The following PAK3 variants were observed in gnomAD, a reference collection of about 807,000 sequenced individuals.
PAK3 encodes the protein serine/threonine-protein kinase PAK 3.
PAK3 carries 4 observed loss-of-function variants against 41.0 expected under a neutral mutation model. The observed-to-expected ratio is 0.10, with a 90% CI of 0.05 to 0.22. PAK3 has a LOEUF of 0.22. PAK3 is among the 10% of genes least tolerant of loss of function. The pLI is 1.00. For missense variants in PAK3, 205 were observed against 409.9 expected (o/e 0.50, Z 4.32); for synonymous variants, 146 against 139.6 (o/e 1.05, Z -0.32).
At chrX:111,066,462 A>G (rs1478868277) in intron 1 of PAK3, among the ~76,000 whole-genome samples, 1 of 112,126 alleles carries the variant, frequency 8.9e-6, no homozygotes, top group African/African-American at 3.2e-5. Flanking sequence ...TTAAAAATTT[A>G]TTGACACTTG....
chrX:110,976,893 G>A (rs2091345277), intron 1 of PAK3, among the ~76,000 whole-genome samples: 1 of 107,978 alleles, frequency 9.3e-6, no homozygotes, highest in South Asian at 4.3e-4. Flanking sequence ...TCACTCATAG[G>A]TGGGAATTGA....
At position 111,133,914 on chromosome X, in the gene PAK3, G is replaced by A. The variant is rs187968834; in HGVS notation, c.176-8182G>A. Among the ~76,000 whole-genome samples the A allele has an allele frequency of 2.7e-5, 3 of 111,723 alleles. No individual in the cohort carries two copies. The Admixed American group carries it at 2.9e-4, about 11-fold the overall frequency. ...TTTATGTAGGAAAGCATTTCCCTAT[G>A]TCTGTCTTCTGCCATCCTTTTTCTT... On this transcript the variant is annotated intron_variant, in intron 5 of 17. Coordinates refer to ENST00000372007, the MANE Select transcript of PAK3 (RefSeq NM_002578.5).
At chrX:111,012,315 T>C (rs751568540) in intron 1 of PAK3, among the ~76,000 whole-genome samples, 28 of 111,879 alleles carry the variant, frequency 2.5e-4, no homozygotes, top group Non-Finnish European at 4.9e-4. Flanking sequence ...GTATGACCCA[T>C]AGTAAAGGAC....
At position 111,220,945 on chromosome X, in the gene PAK3, C is replaced by CAAAAAAAAAAAAAAA; in HGVS notation, c.*501_*515dup. On this transcript the variant is annotated 3_prime_UTR_variant, in exon 18 of 18. Transcript: ENST00000372007. ...AAAAAAGAAAGCAAAAAAAGCAAGG[C>CAAAAAAAAAAAAAAA]AAAAAAAAAAAAAAAAACAAACAAA... 1.2e-4 allele frequency: 6 copies of CAAAAAAAAAAAAAAA among 49,380 alleles called. No individual in the cohort carries two copies. Among genetic ancestry groups the CAAAAAAAAAAAAAAA allele is most frequent in the East Asian group, 6.5e-4 (1 of 1,530 alleles). 4.1% of individuals were successfully genotyped at this position (49,380 alleles called of 1,213,427 possible). A position where few individuals can be genotyped will look rare whatever the true frequency, so the allele number is the denominator to read the frequency against.
chrX:111,212,835 G>C (rs1397956141), intron 16 of PAK3, among the ~76,000 whole-genome samples: 1 of 111,491 alleles, frequency 9.0e-6, no homozygotes, highest in African/African-American at 3.3e-5. Flanking sequence ...TAGAAAATTT[G>C]AGAAATTAAA....
intron 1 of PAK3, among the ~76,000 whole-genome samples, chrX:110,945,380 T>A (rs1004769026): frequency 2.7e-5 from 3 of 111,448 alleles, no homozygotes; most frequent in African/African-American, 9.8e-5. Context: ...GGAAGGATAA[T>A]GATTGTTTTC....
intron 1 of PAK3, among the ~76,000 whole-genome samples, chrX:110,959,126 A>C (rs943453551): frequency 1.8e-5 from 2 of 112,009 alleles, no homozygotes; most frequent in African/African-American, 6.5e-5. Flanking sequence ...GAGTCACAGA[A>C]GAATGGTCTC....
At chrX:111,055,188 A>G (rs1045830179) in intron 1 of PAK3, among the ~76,000 whole-genome samples, 1 of 112,082 alleles carries the variant, frequency 8.9e-6, no homozygotes, top group Non-Finnish European at 1.9e-5. Flanking sequence ...TGAGCTCTTC[A>G]TGAGGAAGTC....
intron 6 of PAK3, chrX:111,144,868 T>C (rs1416540909): frequency 8.8e-7 from 1 of 1,141,733 alleles, no homozygotes. Flanking sequence ...AGAACTCCCC[T>C]TTCCAGACCT....
chrX:111,023,737 G>T (rs1475003119), intron 1 of PAK3, among the ~76,000 whole-genome samples: 2 of 111,925 alleles, frequency 1.8e-5, no homozygotes, highest in African/African-American at 6.5e-5. Context: ...TTTTGATGGG[G>T]TTGTTTGTTT....
At chrX:111,217,157 G>C (rs1011819532) in intron 17 of PAK3, 12 of 398,695 alleles carry the variant, frequency 3.0e-5, no homozygotes, top group Non-Finnish European at 3.5e-5. Flanking sequence ...CAACTTTATA[G>C]GGTAGGCATT....
rs1418937877 is a variant in PAK3 at position 111,162,911 on chromosome X, C to CAA, written c.469-3_469-2dup. ...TGATCTTTAAACTTTGTTTTTGTCA[C>CAA]AAGAGTACAAAAACAGCATCTGAGC... is the stretch of plus-strand genomic sequence containing the variant. On this transcript the variant is annotated splice_region_variant and splice_polypyrimidine_tract_variant and intron_variant, in intron 8 of 17. Coordinates refer to ENST00000372007, the MANE Select transcript of PAK3 (RefSeq NM_002578.5). 8.3e-7 allele frequency: 1 copy of CAA among 1,201,274 alleles called. No homozygotes were observed. The highest frequency in any genetic ancestry group is 1.1e-6 in the Non-Finnish European group (1 of 887,950).
intron 6 of PAK3, among the ~76,000 whole-genome samples, chrX:111,145,764 G>C: frequency 8.9e-6 from 1 of 111,899 alleles, no homozygotes; most frequent in Non-Finnish European, 1.9e-5. Flanking sequence ...AGGCAAAGCT[G>C]TTACCTTATA....
intron 1 of PAK3, among the ~76,000 whole-genome samples, chrX:110,978,682 T>TTCTTTCTTTCTTTCTCTCTGTC (rs2091387240): frequency 9.2e-6 from 1 of 108,632 alleles, no homozygotes; most frequent in Non-Finnish European, 1.9e-5. Flanking sequence ...TCTTTCTTTT[T>TTCTTTCTTTCTTTCTCTCTGTC]TCTTTCTTTC....
intron 1 of PAK3, among the ~76,000 whole-genome samples, chrX:111,026,880 G>T: frequency 8.9e-6 from 1 of 111,909 alleles, no homozygotes; most frequent in Middle Eastern, 4.6e-3. Flanking sequence ...AACAAATCTG[G>T]AGGCATCACA....
intron 7 of PAK3, among the ~76,000 whole-genome samples, chrX:111,149,690 C>G (rs759492810): frequency 3.7e-4 from 42 of 112,021 alleles, no homozygotes; most frequent in African/African-American, 1.2e-3. Context: ...AGCTGGGACA[C>G]AGGGCACCAA....
chrX:111,111,262 A>T (rs937212683), intron 4 of PAK3, among the ~76,000 whole-genome samples: 12 of 112,229 alleles, frequency 1.1e-4, no homozygotes, highest in Admixed American at 1.9e-4. Context: ...TTTTTCCACC[A>T]CATGTGAATT....
intron 5 of PAK3, among the ~76,000 whole-genome samples, chrX:111,137,546 GA>G (rs994465292): frequency 1.8e-5 from 2 of 110,542 alleles, no homozygotes; most frequent in South Asian, 3.9e-4. Flanking sequence ...AGAAAATGTA[GA>G]AAAAAAATGT....
At chrX:111,171,178 C>A (rs1275063810) in intron 10 of PAK3, among the ~76,000 whole-genome samples, 1 of 111,031 alleles carries the variant, frequency 9.0e-6, no homozygotes, top group Non-Finnish European at 1.9e-5. Context: ...TGGCCATGGG[C>A]ATAGAGAGAA....
Sources: gnomAD v4.1 joint callset for allele counts (sites outside exome capture counted in the v4.1 genomes callset) on GRCh38, gnomAD v4.1.1 for gene constraint, MANE v1.5 for transcripts, NCBI Gene and HGNC (gene_info 2026-07-23, HGNC 2026-07-21) for gene names.